ABHD12: variants seen among roughly 807,000 people sequenced by gnomAD.
The protein encoded by ABHD12 is lysophosphatidylserine lipase ABHD12.
ABHD12 carries 43 observed loss-of-function variants against 58.3 expected under a neutral mutation model. The observed-to-expected ratio is 0.74, with a 90% CI of 0.58 to 0.95. The LOEUF (loss-of-function observed/expected upper bound fraction) is 0.95. Ranked by LOEUF, ABHD12 falls within the 40% of genes least tolerant of loss-of-function variation. The pLI is 0.00. For missense variants in ABHD12, 539 were observed against 537.2 expected, an observed-to-expected ratio of 1.00 and a Z score of -0.03; for synonymous variants, 219 against 211.2, an observed-to-expected ratio of 1.04 and a Z score of -0.32.
At chr20:25,390,288 G>A (rs1325841818) in intron 1 of ABHD12, among the ~76,000 whole-genome samples, 1 of 152,186 alleles carries the variant, frequency 6.6e-6, no homozygotes, top group South Asian at 2.1e-4. Flanking sequence ...GACACAGGGG[G>A]TCAGCGGCAG....
At chr20:25,312,053 T>C (rs1175778236) in intron 6 of ABHD12, among the ~76,000 whole-genome samples, 3 of 151,878 alleles carry the variant, frequency 2.0e-5, no homozygotes, top group African/African-American at 7.3e-5. Flanking sequence ...AATGGCTCAC[T>C]CACACCTGTA....
In ABHD12 at chr20:25,300,863, CTCCGACT is replaced by C; in HGVS notation, c.1172_1178del (p.Lys391SerfsTer15). 6.2e-7 allele frequency: 1 copy of C among 1,614,078 alleles called. No homozygotes were observed. The highest frequency in any genetic ancestry group is 1.1e-5 in the South Asian group (1 of 91,074). ...GCCAGGCTCAGTGCTGGTGCTCAGGCTCCGACTTCCCCAGGAATTCCCTAGACCACAG... is the reference window on the plus strand; with the variant it reads ...GCCAGGCTCAGTGCTGGTGCTCAGGCTCCCCAGGAATTCCCTAGACCACAG... On this transcript the variant is annotated frameshift_variant, in exon 13 of 13. Coordinates refer to ENST00000339157, the MANE Select transcript of ABHD12 (RefSeq NM_001042472.3). LOFTEE classifies it high-confidence loss of function.
At chr20:25,354,422 G>T (rs183911522) in intron 1 of ABHD12, among the ~76,000 whole-genome samples, 1 of 152,212 alleles carries the variant, frequency 6.6e-6, no homozygotes, top group South Asian at 2.1e-4. Context: ...GACAGAATAC[G>T]TTCTACATTT....
At chr20:25,368,186 G>A (rs774509740) in intron 1 of ABHD12, 200 of 1,079,158 alleles carry the variant, frequency 1.9e-4, no homozygotes, top group Non-Finnish European at 2.5e-4. Context: ...AAGATTCTAG[G>A]ATACTGAGAG....
chr20:25,374,270 G>A (rs1294629667), intron 1 of ABHD12, among the ~76,000 whole-genome samples: 3 of 151,488 alleles, frequency 2.0e-5, no homozygotes, highest in Non-Finnish European at 4.4e-5. Context: ...TAGTAATGAT[G>A]CTTTTGAAAA....
chr20:25,304,668 A>G (rs2088701860), intron 10 of ABHD12, among the ~76,000 whole-genome samples: 1 of 151,782 alleles, frequency 6.6e-6, no homozygotes, highest in East Asian at 1.9e-4. Flanking sequence ...CCTGGGTTCA[A>G]GTGATTCTCC....
intron 2 of ABHD12, among the ~76,000 whole-genome samples, chr20:25,331,866 G>C (rs1259538467): frequency 6.6e-6 from 1 of 151,930 alleles, no homozygotes; most frequent in Non-Finnish European, 1.5e-5. Flanking sequence ...AAAATGTAAA[G>C]ACCATCGAGA....
intron 1 of ABHD12, among the ~76,000 whole-genome samples, chr20:25,374,079 C>A (rs919022058): frequency 6.6e-6 from 1 of 152,156 alleles, no homozygotes; most frequent in African/African-American, 2.4e-5. Flanking sequence ...ATGCACACCA[C>A]GCCTGGCTAA....
intron 1 of ABHD12, among the ~76,000 whole-genome samples, chr20:25,363,115 G>A (rs1296281054): frequency 1.3e-5 from 2 of 151,980 alleles, no homozygotes; most frequent in African/African-American, 4.8e-5. Context: ...TATAGTAGAG[G>A]TGAGAACAAA....
chr20:25,302,499 C>T (rs920279895), intron 11 of ABHD12, among the ~76,000 whole-genome samples, 153 bp from the exon 12 acceptor site: 2 of 151,944 alleles, frequency 1.3e-5, no homozygotes, highest in East Asian at 1.9e-4. Flanking sequence ...CCAGGAGGCC[C>T]GGGGGTGGGC....
intron 1 of ABHD12, among the ~76,000 whole-genome samples, chr20:25,382,948 G>A (rs2090039858): frequency 6.6e-6 from 1 of 152,148 alleles, no homozygotes; most frequent in Admixed American, 6.5e-5. Flanking sequence ...GAGGGGGGGG[G>A]CCAGCTATGG....
chr20:25,375,524 A>G (rs1471067000), intron 1 of ABHD12, among the ~76,000 whole-genome samples: 1 of 152,034 alleles, frequency 6.6e-6, no homozygotes, highest in Non-Finnish European at 1.5e-5. Flanking sequence ...TCTGTCCTAT[A>G]AACTCTAGCC....
In ABHD12 at chr20:25,318,663, CTT is replaced by C. The variant is rs35288907; in HGVS notation, c.542+1534_542+1535del. On this transcript the variant is annotated intron_variant, in intron 4 of 12. Transcript: ENST00000339157. The stretch of plus-strand genomic sequence containing the variant: ...TCTAACCTAAAGTTATAGGCAGGAT[CTT>C]TTTTTTTTTTTTTTAACCATGTGAT... Among the ~76,000 whole-genome samples the C allele has an allele frequency of 4.0e-3, 585 of 145,022 alleles. 1 individual carries two copies. The highest frequency in any genetic ancestry group is 6.8e-3 in the African/African-American group (269 of 39,536).
At chr20:25,381,107 G>A (rs760068868) in intron 1 of ABHD12, among the ~76,000 whole-genome samples, 10 of 152,004 alleles carry the variant, frequency 6.6e-5, no homozygotes, top group East Asian at 1.9e-4. Context: ...CTTGCCCACC[G>A]CAGTCTGTGC....
At chr20:25,339,884 C>T (rs1481203543) in intron 1 of ABHD12, 6 of 744,760 alleles carry the variant, frequency 8.1e-6, no homozygotes, top group Admixed American at 4.3e-5. Flanking sequence ...CTTGCATTTA[C>T]GCGTGGGCGA....
At position 25,320,111 on chromosome 20, in the gene ABHD12, G is replaced by C; in HGVS notation, c.542+88C>G. ...TTTTGTGGGACCGCAGGTTGCTCCT[G>C]CTGGTTTCCGGCAGACCGGGCCAGG... On this transcript the variant is annotated intron_variant, in intron 4 of 12. Transcript: ENST00000339157. The C allele has an allele frequency of 1.9e-5, 30 of 1,582,230 alleles. 1 individual carries two copies. In the South Asian group the frequency reaches 3.4e-4, roughly 18 times the overall value.
chr20:25,370,021 T>C (rs1160455461), intron 1 of ABHD12, among the ~76,000 whole-genome samples: 1 of 152,062 alleles, frequency 6.6e-6, no homozygotes, highest in African/African-American at 2.4e-5. Context: ...TGTTTTTTCC[T>C]ATCTGGAAAG....
intron 1 of ABHD12, among the ~76,000 whole-genome samples, chr20:25,340,470 G>A (rs1178805752): frequency 1.3e-5 from 2 of 152,154 alleles, no homozygotes; most frequent in Non-Finnish European, 2.9e-5. Context: ...ACACCCATGA[G>A]AGGAGTGTGA....
At chr20:25,326,454 G>A (rs553937980) in intron 2 of ABHD12, among the ~76,000 whole-genome samples, 1 of 152,250 alleles carries the variant, frequency 6.6e-6, no homozygotes, top group South Asian at 2.1e-4. Context: ...AGTTATTTTA[G>A]GACCTCAAGA....
Sources: gnomAD v4.1 joint callset for allele counts (sites outside exome capture counted in the v4.1 genomes callset) on GRCh38, gnomAD v4.1.1 for gene constraint, MANE v1.5 for transcripts, NCBI Gene and HGNC (gene_info 2026-07-23, HGNC 2026-07-21) for gene names.